Variants in BRI3 observed in about 807,000 individuals in gnomAD.
BRI3 encodes brain protein I3.
In BRI3, 6 loss-of-function variants were observed where a neutral mutation model predicts 12.8. That is an observed-to-expected ratio of 0.47 (90% CI 0.26 to 0.93). The LOEUF is 0.93. Among genes scored for constraint, BRI3 ranks in the 40% least tolerant of loss-of-function variants. The pLI is 0.15. For missense variants in BRI3, 134 were observed against 171.1 expected (o/e 0.78, Z 1.21); for synonymous variants, 91 against 76.1 (o/e 1.20, Z -1.02).
chr7:98,310,266 A>G (rs2116871613), exon 2 of BRI3: 1 of 579,520 alleles, frequency 1.7e-6, no homozygotes, highest in East Asian at 3.2e-5. Context: ...AGCGTCTCAC[A>G]GTCTAGTCCT....
At chr7:98,285,597 C>T (rs1006707932) in intron 2 of BRI3, among the ~76,000 whole-genome samples, 2 of 152,208 alleles carry the variant, frequency 1.3e-5, no homozygotes, top group African/African-American at 4.8e-5. Context: ...CCTCAGTGGC[C>T]TCCTGAGTCT....
upstream of BRI3, among the ~76,000 whole-genome samples, chr7:98,305,040 G>GTTTTTTTTTT (rs1386050479): frequency 1.1e-5 from 1 of 87,152 alleles, no homozygotes; most frequent in Non-Finnish European, 2.2e-5. Context: ...TAATTTTTTT[G>GTTTTTTTTTT]TTTTTTGTTT....
downstream of BRI3, chr7:98,293,249 T>C (rs1800044792): frequency 5.3e-6 from 2 of 375,552 alleles, no homozygotes; most frequent in African/African-American, 2.1e-5. Flanking sequence ...ACAGTAAAGA[T>C]TGAAACCAAG....
At chr7:98,289,349 G>T (rs141595468) in intron 2 of BRI3, among the ~76,000 whole-genome samples, 4 of 152,370 alleles carry the variant, frequency 2.6e-5, no homozygotes, top group African/African-American at 7.2e-5. Flanking sequence ...GGTTCTGTGG[G>T]TGGGGTTTGG....
At chr7:98,296,565 G>T (rs1054684580), downstream of BRI3, among the ~76,000 whole-genome samples, 2 of 152,118 alleles carry the variant, frequency 1.3e-5, no homozygotes, top group Non-Finnish European at 2.9e-5. Context: ...CAGAGGTTGT[G>T]GTGAGCTGAG....
intron 1 of BRI3, 79 bp downstream of exon 1, chr7:98,282,016 G>T: frequency 1.4e-5 from 18 of 1,307,116 alleles, no homozygotes; most frequent in Non-Finnish European, 1.7e-5. Context: ...CCGGAGGCGG[G>T]TGGGGCCCGC....
In BRI3 at chr7:98,281,915, GCCCTAC is replaced by G. The variant is rs1313488392; in HGVS notation, c.128_133del (p.Pro43_Tyr44del). Reference sequence around the variant, plus strand: ...CCATCCCCGCCGCGCCCCCGCCGCCGCCCTACCCCTACCTCGTCACAGGTGGGCCCG... The same window carrying G: ...CCATCCCCGCCGCGCCCCCGCCGCCGCCCTACCTCGTCACAGGTGGGCCCG... On this transcript the variant is annotated inframe_deletion, in exon 1 of 3. Transcript: ENST00000297290. 1 of 1,301,600 alleles carries G rather than the reference GCCCTAC, an allele frequency of 7.7e-7. No individual in the cohort carries two copies. Among genetic ancestry groups the G allele is most frequent in the Non-Finnish European group, 9.7e-7 (1 of 1,026,072 alleles). 80.6% of individuals were successfully genotyped at this position (1,301,600 alleles called of 1,614,324 possible).
chr7:98,293,344 C>A, downstream of BRI3: 2 of 582,958 alleles, frequency 3.4e-6, no homozygotes, highest in Non-Finnish European at 3.1e-6. Context: ...ATCTTAAAGG[C>A]AGAAACTTGT....
chr7:98,285,274 G>A (rs1379272290), intron 2 of BRI3, among the ~76,000 whole-genome samples: 2 of 152,330 alleles, frequency 1.3e-5, no homozygotes, highest in African/African-American at 4.8e-5. Flanking sequence ...GCAGAGGTGG[G>A]CTGTGGAGGG....
At chr7:98,310,511 A>AG, downstream of BRI3, 1 of 1,606,804 alleles carries the variant, frequency 6.2e-7, no homozygotes, top group Non-Finnish European at 8.5e-7. Flanking sequence ...ATATCGATCA[A>AG]GGGACTGGTA....
upstream of BRI3, among the ~76,000 whole-genome samples, chr7:98,306,270 A>G (rs1056631482): frequency 2.6e-5 from 4 of 152,118 alleles, no homozygotes; most frequent in Admixed American, 2.6e-4. Flanking sequence ...GCTCGGGGAC[A>G]ACAGAAATCA....
intron 2 of BRI3, among the ~76,000 whole-genome samples, chr7:98,285,538 C>T (rs1363437226): frequency 1.3e-5 from 2 of 152,198 alleles, no homozygotes; most frequent in African/African-American, 4.8e-5. Flanking sequence ...GGAGCTTGGG[C>T]CTGGGCTGCT....
intron 2 of BRI3, among the ~76,000 whole-genome samples, chr7:98,284,522 C>T (rs948360782): frequency 2.6e-5 from 4 of 152,184 alleles, no homozygotes; most frequent in Admixed American, 6.5e-5. Context: ...ACAACACACA[C>T]GTCTGGCCGC....
At chr7:98,319,762 G>A in the BRI3 span, among the ~76,000 whole-genome samples, 1 of 152,124 alleles carries the variant, frequency 6.6e-6, no homozygotes, top group Non-Finnish European at 1.5e-5. Context: ...TGTTGGCCAG[G>A]CTGGTCTTGA....
At chr7:98,315,320 G>T, downstream of BRI3, 3 of 674,884 alleles carry the variant, frequency 4.4e-6, no homozygotes, top group Non-Finnish European at 4.3e-6. Flanking sequence ...TAGAGACAGA[G>T]TTTTGCCATG....
chr7:98,309,985 G>A (rs941721528), exon 2 of BRI3: 1 of 157,324 alleles, frequency 6.4e-6, no homozygotes, highest in Non-Finnish European at 1.4e-5. Context: ...GAGTAGCTGG[G>A]ATTACAGGCA....
the BRI3 span, chr7:98,320,395 G>T: frequency 1.1e-6 from 1 of 926,240 alleles, no homozygotes; most frequent in Non-Finnish European, 1.7e-6. Context: ...GAGTGCAAAG[G>T]CACGATCTTG....
the BRI3 span, among the ~76,000 whole-genome samples, chr7:98,319,548 CTTT>C: frequency 1.4e-5 from 2 of 138,528 alleles, no homozygotes; most frequent in East Asian, 2.1e-4. Flanking sequence ...TTTCCTATGC[CTTT>C]TTTTTTTTTT....
upstream of BRI3, among the ~76,000 whole-genome samples, chr7:98,305,040 GTTTTTTGTTT>G (rs1800591855): frequency 1.1e-5 from 1 of 87,152 alleles, no homozygotes; most frequent in African/African-American, 5.1e-5. Flanking sequence ...TAATTTTTTT[GTTTTTTGTTT>G]TTTTTTTTTT....
Sources: gnomAD v4.1 joint callset for allele counts (sites outside exome capture counted in the v4.1 genomes callset) on GRCh38, gnomAD v4.1.1 for gene constraint, MANE v1.5 for transcripts, NCBI Gene and HGNC (gene_info 2026-07-23, HGNC 2026-07-21) for gene names.